CD44: variants seen among roughly 807,000 people sequenced by gnomAD.
The protein encoded by CD44 is CD44 antigen.
In CD44, 49 loss-of-function variants were observed where a neutral mutation model predicts 88.8. The observed-to-expected ratio is 0.55, with a 90% confidence interval of 0.44 to 0.70. CD44 has a LOEUF of 0.70. Ranked by LOEUF, CD44 falls within the 30% of genes least tolerant of loss-of-function variation. The pLI is 0.00. For missense variants in CD44, 883 were observed against 913.8 expected (o/e 0.97, Z 0.43); for synonymous variants, 325 against 312.3 (o/e 1.04, Z -0.43).
chr11:35,201,592 A>G (rs1230138401), intron 8 of CD44, 79 bp from the exon 9 acceptor site: 1 of 1,555,504 alleles, frequency 6.4e-7, no homozygotes, highest in South Asian at 1.1e-5. Context: ...GTTAAATAGC[A>G]TGCACTTTAA....
chr11:35,153,308 G>T (rs532847039), intron 1 of CD44, among the ~76,000 whole-genome samples: 3 of 152,180 alleles, frequency 2.0e-5, no homozygotes, highest in Non-Finnish European at 4.4e-5. Flanking sequence ...TTTTTTAGTG[G>T]CACAGTGGGA....
intron 5 of CD44, among the ~76,000 whole-genome samples, chr11:35,196,092 T>C (rs11033022): frequency 0.095 from 14,499 of 152,164 alleles, 2,356 homozygotes; most frequent in African/African-American, 0.33. Flanking sequence ...GAGCTAGGAC[T>C]CTGAAGAGCT....
chr11:35,189,419 A>G (rs994588894), intron 4 of CD44, among the ~76,000 whole-genome samples: 3 of 152,244 alleles, frequency 2.0e-5, no homozygotes, highest in African/African-American at 4.8e-5. Flanking sequence ...AACACATTTT[A>G]TATGTACTTC....
chr11:35,207,643 A>G (rs1227843748), intron 11 of CD44, among the ~76,000 whole-genome samples: 1 of 152,106 alleles, frequency 6.6e-6, no homozygotes. Context: ...TTATTTGCAT[A>G]TTCACTTTGT....
Position 35,207,959 on chromosome 11 carries a change from A to G in CD44, c.1415-146A>G, listed in dbSNP as rs1231569234. The G allele has an allele frequency of 8.6e-6, 5 of 581,608 alleles. 1 individual carries two copies. Among genetic ancestry groups the G allele is most frequent in the African/African-American group, 1.9e-5 (1 of 53,408 alleles). The allele number at this position is 581,608 out of a possible 1,614,324, so 36.0% of individuals were successfully genotyped here. ...GTGCTCTTTGATGAAACAATAATCT[A>G]TCTCAGTTCGGGAGATATAGTCAGT... On this transcript the variant is annotated intron_variant, in intron 11 of 17. Transcript: ENST00000428726.
intron 11 of CD44, 93 bp from the exon 12 acceptor site, chr11:35,208,012 G>A: frequency 1.1e-5 from 8 of 746,644 alleles, no homozygotes; most frequent in Admixed American, 7.4e-5. Flanking sequence ...TTGGCCAGAT[G>A]TGAATATTTA....
chr11:35,209,289 T>C (rs1250593795), intron 12 of CD44, among the ~76,000 whole-genome samples: 1 of 152,248 alleles, frequency 6.6e-6, no homozygotes, highest in Non-Finnish European at 1.5e-5. Flanking sequence ...CCAGTTGATA[T>C]ATGTCACTGA....
intron 6 of CD44, chr11:35,197,124 A>C: frequency 3.2e-6 from 1 of 309,608 alleles, no homozygotes. Context: ...ATGAAACGGG[A>C]ATAAGTTTTT....
At chr11:35,172,337 G>T (rs1485537333) in intron 1 of CD44, among the ~76,000 whole-genome samples, 1 of 152,152 alleles carries the variant, frequency 6.6e-6, no homozygotes, top group Non-Finnish European at 1.5e-5. Context: ...TCCATTGAAA[G>T]CTCAGCTCTT....
chr11:35,148,984 C>T (rs1292723430), intron 1 of CD44, among the ~76,000 whole-genome samples: 1 of 152,310 alleles, frequency 6.6e-6, no homozygotes, highest in East Asian at 1.9e-4. Flanking sequence ...GCACTCTCTT[C>T]AGTCTAAAGA....
At chr11:35,152,845 C>T (rs570916670) in intron 1 of CD44, among the ~76,000 whole-genome samples, 4 of 152,230 alleles carry the variant, frequency 2.6e-5, no homozygotes, top group African/African-American at 9.6e-5. Context: ...AGTGCCCTTG[C>T]TGGGATAACT....
At chr11:35,141,770 T>C (rs1419782983) in intron 1 of CD44, among the ~76,000 whole-genome samples, 2 of 152,268 alleles carry the variant, frequency 1.3e-5, no homozygotes, top group East Asian at 3.9e-4. Flanking sequence ...CTCGCTTTCA[T>C]GTGCTTGTAA....
chr11:35,189,420 T>C (rs755857845), intron 4 of CD44, among the ~76,000 whole-genome samples: 1 of 152,380 alleles, frequency 6.6e-6, no homozygotes, highest in South Asian at 2.1e-4. Context: ...ACACATTTTA[T>C]ATGTACTTCA....
At chr11:35,147,071 G>C (rs1859312640) in intron 1 of CD44, among the ~76,000 whole-genome samples, 1 of 152,182 alleles carries the variant, frequency 6.6e-6, no homozygotes, top group South Asian at 2.1e-4. Flanking sequence ...ATTAGGATAG[G>C]ATAGGGCTGA....
chr11:35,196,877 A>G lies in CD44; in HGVS notation c.796+3A>G. The G allele has an allele frequency of 6.2e-7, 1 of 1,613,040 alleles. No homozygotes were observed. Among genetic ancestry groups the G allele is most frequent in the Non-Finnish European group, 8.5e-7 (1 of 1,179,292 alleles). On this transcript the variant is annotated splice_donor_region_variant and intron_variant, in intron 6 of 17. Coordinates refer to ENST00000428726, the MANE Select transcript of CD44 (RefSeq NM_000610.4). ...TCACACAACAACACAAATGGCTGGT[A>G]ATGAGTTATTATTATCTCATAGCGT...
rs1397386062 is a variant in CD44, at chr11:35,232,153, G to C, written c.*2820G>C. 1 of 152,596 alleles carries C rather than the reference G, an allele frequency of 6.6e-6. No homozygotes were observed. The highest frequency in any genetic ancestry group is 1.5e-5 in the Non-Finnish European group (1 of 68,026). The allele number at this position is 152,596 out of a possible 1,614,324, so 9.5% of individuals were successfully genotyped here. A position where few individuals can be genotyped will look rare whatever the true frequency, so the allele number is the denominator to read the frequency against. On this transcript the variant is annotated 3_prime_UTR_variant, in exon 18 of 18. Transcript: ENST00000428726. ...AATAACATGGTCCATTCACCTTTAT[G>C]TTATAGATATGTCTTTGTGTAAATC...
At chr11:35,204,677 C>T (rs373287331) in intron 10 of CD44, 37 bp downstream of exon 10, 2 of 1,601,818 alleles carry the variant, frequency 1.2e-6, no homozygotes, top group African/African-American at 2.7e-5. Flanking sequence ...TGGATGGAAA[C>T]TTCCTTTTGG....
chr11:35,225,454 A>G (rs746989909), intron 17 of CD44, among the ~76,000 whole-genome samples: 13 of 152,148 alleles, frequency 8.5e-5, no homozygotes, highest in Non-Finnish European at 1.3e-4. Flanking sequence ...CTAATGCCTG[A>G]GATTTAAGGG....
chr11:35,145,427 T>G (rs1343720272), intron 1 of CD44, among the ~76,000 whole-genome samples: 1 of 152,198 alleles, frequency 6.6e-6, no homozygotes, highest in African/African-American at 2.4e-5. Context: ...CTTGGCTGGC[T>G]GACTGCCCAC....
Sources: allele counts gnomAD v4.1 joint callset (sites outside exome capture counted in the v4.1 genomes callset), GRCh38; gene constraint gnomAD v4.1.1; transcripts MANE v1.5; gene names NCBI Gene and HGNC (gene_info 2026-07-23, HGNC 2026-07-21).